GRID2: variants seen among roughly 807,000 people sequenced by gnomAD.
GRID2 encodes glutamate receptor ionotropic, delta-2.
GRID2 carries 33 observed loss-of-function variants against 114.8 expected under a neutral mutation model. The ratio of observed to expected loss-of-function variants is 0.29; its 90% CI spans 0.22 to 0.38. GRID2 has a LOEUF of 0.38. GRID2 is among the 10% of genes least tolerant of loss of function. The probability of loss-of-function intolerance (pLI) is 1.00; values close to 1 mark genes in which losing one functional copy is unlikely to be tolerated. For missense variants in GRID2, 1,184 were observed against 1,257.7 expected (o/e 0.94, Z 0.89); for synonymous variants, 505 against 449.9 (o/e 1.12, Z -1.55).
At chr4:93,736,671 CTAA>C (rs1235713470) in intron 14 of GRID2, among the ~76,000 whole-genome samples, 1 of 151,716 alleles carries the variant, frequency 6.6e-6, no homozygotes, top group African/African-American at 2.4e-5. Flanking sequence ...TTAATAATTA[CTAA>C]TAATAAGTCA....
At chr4:93,686,856 G>A (rs890377832) in intron 14 of GRID2, among the ~76,000 whole-genome samples, 1 of 151,938 alleles carries the variant, frequency 6.6e-6, no homozygotes, top group Non-Finnish European at 1.5e-5. Context: ...TGGCAATTAT[G>A]GGCCAGATAC....
At chr4:92,597,381 A>G (rs1180056749) in intron 2 of GRID2, among the ~76,000 whole-genome samples, 1 of 152,162 alleles carries the variant, frequency 6.6e-6, no homozygotes, top group Admixed American at 6.6e-5. Context: ...ACAGGTCTCT[A>G]CTACAGTGAA....
At chr4:93,481,141 G>A (rs1024203948) in intron 11 of GRID2, among the ~76,000 whole-genome samples, 7 of 151,830 alleles carry the variant, frequency 4.6e-5, no homozygotes, top group Non-Finnish European at 7.4e-5. Flanking sequence ...ATACTTCTTT[G>A]ACTCAATTAT....
chr4:93,241,267 T>A (rs1344738174), intron 8 of GRID2, among the ~76,000 whole-genome samples: 3 of 151,800 alleles, frequency 2.0e-5, no homozygotes, highest in Admixed American at 6.6e-5. Context: ...GTGAATTTTC[T>A]GCAAATTGTC....
intron 13 of GRID2, among the ~76,000 whole-genome samples, chr4:93,583,318 A>G (rs902601015): frequency 6.6e-6 from 1 of 152,184 alleles, no homozygotes; most frequent in African/African-American, 2.4e-5. Context: ...TTTATAATTA[A>G]CTTTCTAGTT....
chr4:92,870,944 C>G (rs1182219551), intron 2 of GRID2, among the ~76,000 whole-genome samples: 1 of 152,114 alleles, frequency 6.6e-6, no homozygotes, highest in African/African-American at 2.4e-5. Flanking sequence ...CCTTTCTTAT[C>G]TGGTGTTTTA....
intron 7 of GRID2, among the ~76,000 whole-genome samples, chr4:93,225,670 T>G (rs1057146644): frequency 1.1e-4 from 17 of 152,072 alleles, no homozygotes; most frequent in African/African-American, 3.4e-4. Flanking sequence ...ATATAAAACT[T>G]TAATATTAGA....
At chr4:92,924,859 G>T (rs1284791794) in intron 2 of GRID2, among the ~76,000 whole-genome samples, 2 of 152,078 alleles carry the variant, frequency 1.3e-5, no homozygotes, top group East Asian at 3.9e-4. Flanking sequence ...AAGATCCTTT[G>T]TTGTAGCTTC....
intron 1 of GRID2, among the ~76,000 whole-genome samples, chr4:92,381,937 A>C (rs1191307460): frequency 2.0e-5 from 3 of 152,014 alleles, no homozygotes; most frequent in Non-Finnish European, 2.9e-5. Context: ...TACAGACTAG[A>C]TATTGATTTA....
At chr4:92,419,993 A>G (rs1731819158) in intron 1 of GRID2, among the ~76,000 whole-genome samples, 1 of 152,118 alleles carries the variant, frequency 6.6e-6, no homozygotes, top group Non-Finnish European at 1.5e-5. Context: ...AAAGTATGAT[A>G]TTTTCAGCAT....
chr4:92,627,620 G>A (rs1730588261), intron 2 of GRID2, among the ~76,000 whole-genome samples: 1 of 151,888 alleles, frequency 6.6e-6, no homozygotes. Flanking sequence ...TTGGCCATTG[G>A]TGATGCATCC....
chr4:92,384,528 A>T (rs368985120), intron 1 of GRID2, among the ~76,000 whole-genome samples: 1,351 of 35,168 alleles, frequency 0.038, 112 homozygotes, highest in African/African-American at 0.14. Flanking sequence ...TATATAATAT[A>T]ATATATAATA....
intron 13 of GRID2, among the ~76,000 whole-genome samples, chr4:93,601,552 A>C (rs1336493467): frequency 6.6e-6 from 1 of 152,222 alleles, no homozygotes; most frequent in African/African-American, 2.4e-5. Flanking sequence ...AATTTCCAAA[A>C]GTTCAGCCAT....
chr4:92,915,642 T>TA (rs1748726268), intron 2 of GRID2, among the ~76,000 whole-genome samples: 1 of 152,132 alleles, frequency 6.6e-6, no homozygotes, highest in African/African-American at 2.4e-5. Context: ...ATCAACCCAC[T>TA]ACTCTTTTCC....
chr4:92,734,284 GCTTTA>G (rs1736481078), intron 2 of GRID2, among the ~76,000 whole-genome samples: 1 of 150,286 alleles, frequency 6.7e-6, no homozygotes, highest in African/African-American at 2.5e-5. Context: ...TATTTTCTTT[GCTTTA>G]CTTTACTTTT....
intron 2 of GRID2, among the ~76,000 whole-genome samples, chr4:92,958,427 T>C (rs1176752177): frequency 6.6e-6 from 1 of 152,068 alleles, no homozygotes; most frequent in Non-Finnish European, 1.5e-5. Flanking sequence ...TTGATACAGT[T>C]TTGTGATCTT....
chr4:92,432,798 T>G (rs1316900421), intron 1 of GRID2, among the ~76,000 whole-genome samples: 1 of 152,084 alleles, frequency 6.6e-6, no homozygotes, highest in Non-Finnish European at 1.5e-5. Context: ...TCCCTCTTCT[T>G]TCCTCAAACA....
rs541735057 is a variant in GRID2 at position 93,226,851 on chromosome 4, C to T, written c.1125+2076C>T. 3.3e-5 allele frequency among the ~76,000 whole-genome samples: 5 copies of T among 152,294 alleles called. No homozygotes were observed. The East Asian group carries it at 7.7e-4, about 24-fold the overall frequency. On this transcript the variant is annotated intron_variant, in intron 7 of 15. Transcript: ENST00000282020. Reference sequence around the variant, plus strand: ...AGTGGAGGAATCCATAGCCAGAGTTCTTACACTGTATGCCTGAAGGTGTAA... The same window carrying T: ...AGTGGAGGAATCCATAGCCAGAGTTTTTACACTGTATGCCTGAAGGTGTAA...
chr4:92,419,619 C>T (rs1163183440), intron 1 of GRID2, among the ~76,000 whole-genome samples: 1 of 152,002 alleles, frequency 6.6e-6, no homozygotes, highest in South Asian at 2.1e-4. Context: ...AGAGATATTT[C>T]TTTAACTGCT....
Sources: allele counts gnomAD v4.1 joint callset (sites outside exome capture counted in the v4.1 genomes callset), GRCh38; gene constraint gnomAD v4.1.1; transcripts MANE v1.5; gene names NCBI Gene and HGNC (gene_info 2026-07-23, HGNC 2026-07-21).